Variants in APBA2 observed in about 807,000 individuals in gnomAD.
The protein encoded by APBA2 is amyloid-beta A4 precursor protein-binding family A member 2.
In APBA2, 30 loss-of-function variants were observed where a neutral mutation model predicts 75.0. That is an observed-to-expected ratio of 0.40 (90% CI 0.30 to 0.54). APBA2 has a LOEUF of 0.54. Among genes scored for constraint, APBA2 ranks in the 20% least tolerant of loss-of-function variants. The pLI is 0.49. For missense variants in APBA2, 801 were observed against 1,016.1 expected, an observed-to-expected ratio of 0.79 and a Z score of 2.88; for synonymous variants, 444 against 409.6, an observed-to-expected ratio of 1.08 and a Z score of -1.01.
chr15:29,076,178 A>AAAGC, intron 6 of APBA2, 87 bp downstream of exon 6: 1 of 1,418,524 alleles, frequency 7.0e-7, no homozygotes, highest in Non-Finnish European at 1.0e-6. Flanking sequence ...ATTCACCTGC[A>AAAGC]AAGCTTGTTT....
At chr15:28,899,979 G>T (rs1210683227) in intron 1 of APBA2, among the ~76,000 whole-genome samples, 1 of 152,154 alleles carries the variant, frequency 6.6e-6, no homozygotes, top group Non-Finnish European at 1.5e-5. Flanking sequence ...GAGATGAGGA[G>T]GCAGGGCAGG....
Position 29,117,129 on chromosome 15 carries a change from T to C in APBA2, c.2246T>C (p.Ile749Thr), listed in dbSNP as rs1005056478. Residue 749 changes from isoleucine (I) to threonine (T), a missense_variant, in exon 15 of 15, where the codon ATC becomes ACC. Ile to Thr is a moderately conservative substitution (Grantham distance 89). Around this residue, in one of 2 missense-constraint regions of APBA2, gnomAD observed 367 missense variants for 544.5 expected, o/e 0.67. Coordinates refer to ENST00000683413, the MANE Select transcript of APBA2 (RefSeq NM_001353788.2). ...ACGGGTCAGGAGACCCCGCTGTACA[T>C]CTAGGCCACCCCAGCCTGGCCACGC... ...LLTGQETPLY[I>T] 6.2e-7 allele frequency: 1 copy of C among 1,612,888 alleles called. No homozygotes were observed.
chr15:28,923,662 G>A (rs1320002566), intron 2 of APBA2, among the ~76,000 whole-genome samples: 5 of 152,170 alleles, frequency 3.3e-5, no homozygotes, highest in Admixed American at 1.3e-4. Flanking sequence ...TATGGAACAC[G>A]TGGTGCCCTT....
At chr15:28,994,900 GC>G (rs2038430496) in intron 2 of APBA2, among the ~76,000 whole-genome samples, 10 of 152,174 alleles carry the variant, frequency 6.6e-5, no homozygotes, top group Admixed American at 6.5e-4. Flanking sequence ...TCGCAGCCTG[GC>G]CCGGCTCAAC....
chr15:29,099,389 C>A (rs2044008838), intron 9 of APBA2, among the ~76,000 whole-genome samples: 1 of 152,200 alleles, frequency 6.6e-6, no homozygotes, highest in Middle Eastern at 3.2e-3. Flanking sequence ...GCCCTCCCCG[C>A]AGTCACACAG....
chr15:29,013,157 T>C (rs553630344), intron 3 of APBA2, among the ~76,000 whole-genome samples: 2 of 152,294 alleles, frequency 1.3e-5, no homozygotes, highest in South Asian at 2.1e-4. Context: ...TTTTACTTCT[T>C]CTACTATGTC....
chr15:29,070,039 T>C (rs1247163494), intron 4 of APBA2, among the ~76,000 whole-genome samples: 1 of 152,150 alleles, frequency 6.6e-6, no homozygotes, highest in Non-Finnish European at 1.5e-5. Context: ...CAGAGTGTGC[T>C]ATCAGCCTGT....
intron 3 of APBA2, among the ~76,000 whole-genome samples, chr15:29,020,772 T>C (rs1199878294): frequency 6.6e-6 from 1 of 152,126 alleles, no homozygotes; most frequent in Non-Finnish European, 1.5e-5. Flanking sequence ...ATCATGCCAT[T>C]GCACTCCAGC....
Position 29,054,177 on chromosome 15 carries a change from C to T in APBA2, c.293C>T (p.Thr98Ile). 6.2e-7 allele frequency: 1 copy of T among 1,614,228 alleles called. No individual in the cohort carries two copies. Among genetic ancestry groups the T allele is most frequent in the Non-Finnish European group, 8.5e-7 (1 of 1,180,038 alleles). Residue 98 changes from threonine to isoleucine, a missense_variant, in exon 4 of 15, where the codon ACC becomes ATC. Physicochemically the swap from Thr to Ile is moderately conservative, Grantham distance 89. This residue lies in a region of APBA2 where 434 missense variants were observed against 471.6 expected (regional missense o/e 0.92). Transcript: ENST00000683413. This position sits in a 1 kb window ranked among gnomAD's most constrained non-coding sequence, Gnocchi z 6.1. ...EGLPEEEEGI[T>I]YYIRYCPEDD... ...CTCCCTGAGGAGGAGGAGGGCATCA[C>T]CTACTACATCCGCTACTGCCCTGAG... is the stretch of plus-strand genomic sequence containing the variant.
intron 3 of APBA2, among the ~76,000 whole-genome samples, chr15:29,018,569 G>T (rs535063065): frequency 4.6e-5 from 7 of 152,314 alleles, no homozygotes; most frequent in Non-Finnish European, 7.3e-5. Flanking sequence ...GTGCAGAGCA[G>T]GATCCAGGAG....
chr15:29,030,513 A>G (rs1162419012), intron 3 of APBA2, among the ~76,000 whole-genome samples: 2 of 151,690 alleles, frequency 1.3e-5, no homozygotes, highest in Non-Finnish European at 2.9e-5. Flanking sequence ...TAAAGGAGAA[A>G]CGCTTAAGGG....
intron 3 of APBA2, among the ~76,000 whole-genome samples, chr15:29,037,643 T>A (rs1460595726): frequency 6.6e-6 from 1 of 152,132 alleles, no homozygotes; most frequent in Non-Finnish European, 1.5e-5. Flanking sequence ...CTCTCCTTGT[T>A]AGAGGGTGTG....
At chr15:29,065,686 G>T (rs2042350724) in intron 4 of APBA2, among the ~76,000 whole-genome samples, 1 of 152,098 alleles carries the variant, frequency 6.6e-6, no homozygotes. Context: ...AAGAGAAGTT[G>T]GTCTCTCTCC....
intron 13 of APBA2, among the ~76,000 whole-genome samples, chr15:29,109,146 G>A (rs1595996487): frequency 6.6e-6 from 1 of 152,206 alleles, no homozygotes; most frequent in South Asian, 2.1e-4. Flanking sequence ...GAGACACTGC[G>A]GGCTGGAGTG....
intron 3 of APBA2, among the ~76,000 whole-genome samples, chr15:29,035,837 G>A (rs2040720688): frequency 6.6e-6 from 1 of 152,212 alleles, no homozygotes; most frequent in Non-Finnish European, 1.5e-5. Context: ...TGGCTCTGCT[G>A]CATGGGAAGG....
At chr15:28,929,066 C>T (rs1043483521) in intron 2 of APBA2, among the ~76,000 whole-genome samples, 4 of 152,276 alleles carry the variant, frequency 2.6e-5, no homozygotes, top group African/African-American at 9.6e-5. Context: ...ATTTTCTAGT[C>T]ATGAGGATGG....
intron 3 of APBA2, among the ~76,000 whole-genome samples, chr15:29,017,372 T>A (rs2039715113): frequency 6.6e-6 from 1 of 151,528 alleles, no homozygotes; most frequent in Middle Eastern, 3.4e-3. Flanking sequence ...TTCTTTCATA[T>A]TTTTCCATCT....
intron 12 of APBA2, among the ~76,000 whole-genome samples, chr15:29,107,199 G>C (rs79274092): frequency 0.054 from 8,239 of 152,226 alleles, 279 homozygotes; most frequent in East Asian, 0.16. Flanking sequence ...CCTCAGTGCT[G>C]GTGGGCTGGG....
intron 2 of APBA2, among the ~76,000 whole-genome samples, chr15:28,937,947 G>A (rs2034975349): frequency 2.0e-5 from 3 of 152,128 alleles, no homozygotes. Context: ...ATGAGCCACC[G>A]CGCCTGGCCC....
Sources: gnomAD v4.1 joint callset for allele counts (sites outside exome capture counted in the v4.1 genomes callset) on GRCh38, gnomAD v4.1.1 for gene constraint, gnomAD v4.1.1 regional missense constraint, Gnocchi (gnomAD v3.1) non-coding constraint, MANE v1.5 for transcripts, NCBI Gene and HGNC (gene_info 2026-07-23, HGNC 2026-07-21) for gene names.